The following PSD3 variants were observed in gnomAD, a reference collection of about 807,000 sequenced individuals.
The protein encoded by PSD3 is PH and SEC7 domain-containing protein 3.
Under a neutral mutation model 105.5 loss-of-function variants are expected in PSD3, and 49 were observed. The ratio of observed to expected loss-of-function variants is 0.46; its 90% CI spans 0.37 to 0.59. The LOEUF (loss-of-function observed/expected upper bound fraction) is 0.59, where lower values mean the gene tolerates loss of function less well. Ranked by LOEUF, PSD3 falls within the 20% of genes least tolerant of loss-of-function variation. The probability of loss-of-function intolerance (pLI) is 0.00; values close to 1 mark genes in which losing one functional copy is unlikely to be tolerated. For missense variants in PSD3, 1,561 were observed against 1,263.8 expected (o/e 1.24, Z -3.57); for synonymous variants, 557 against 457.8 (o/e 1.22, Z -2.77).
chr8:18,627,495 A>G (rs1484566120), intron 11 of PSD3, among the ~76,000 whole-genome samples: 1 of 152,076 alleles, frequency 6.6e-6, no homozygotes, highest in African/African-American at 2.4e-5. Context: ...GCTAAGAAGA[A>G]TTTATGTTTT....
intron 4 of PSD3, among the ~76,000 whole-genome samples, chr8:18,822,968 G>GGTGGACT: frequency 6.6e-6 from 1 of 152,032 alleles, no homozygotes; most frequent in Non-Finnish European, 1.5e-5. Flanking sequence ...AAAATGGCAA[G>GGTGGACT]CCGATCCAAT....
intron 1 of PSD3, among the ~76,000 whole-genome samples, chr8:19,021,442 A>C (rs1191290577): frequency 6.6e-6 from 1 of 151,768 alleles, no homozygotes; most frequent in Non-Finnish European, 1.5e-5. Context: ...ACTCACTCCC[A>C]ATTTTTTTTT....
At chr8:18,718,123 T>G (rs1264644972) in intron 9 of PSD3, among the ~76,000 whole-genome samples, 1 of 152,200 alleles carries the variant, frequency 6.6e-6, no homozygotes, top group East Asian at 1.9e-4. Context: ...GCTCTGACTG[T>G]ATCTTACCTC....
chr8:18,548,942 C>T (rs560299484), intron 15 of PSD3, among the ~76,000 whole-genome samples: 2 of 152,288 alleles, frequency 1.3e-5, no homozygotes, highest in East Asian at 3.9e-4. Context: ...CTCAGCTGTG[C>T]TGGTTGCCTT....
At chr8:19,012,144 A>G (rs866440675) in intron 1 of PSD3, among the ~76,000 whole-genome samples, 2 of 151,894 alleles carry the variant, frequency 1.3e-5, no homozygotes, top group Non-Finnish European at 2.9e-5. Context: ...TACAGATCCA[A>G]GTCCCTTTCT....
chr8:18,788,955 TA>T (rs1174221207), intron 8 of PSD3, among the ~76,000 whole-genome samples: 2 of 152,170 alleles, frequency 1.3e-5, no homozygotes, highest in African/African-American at 4.8e-5. Context: ...TTGTAAATTT[TA>T]AAACCAGGAC....
chr8:18,748,451 G>C (rs1297265434), intron 9 of PSD3, among the ~76,000 whole-genome samples: 1 of 151,894 alleles, frequency 6.6e-6, no homozygotes, highest in Non-Finnish European at 1.5e-5. Context: ...ACGAGGCCAG[G>C]AGATCGAGAC....
intron 4 of PSD3, among the ~76,000 whole-genome samples, chr8:18,848,529 G>A (rs190814911): frequency 1.9e-3 from 283 of 152,312 alleles, no homozygotes; most frequent in Non-Finnish European, 3.2e-3. Context: ...GCATGCAACT[G>A]AGAAGCAGCT....
rs1554524298 is a variant in PSD3, at chr8:18,620,360, T to TTTTTC, written c.2410+12252_2410+12253insGAAAA. Among the ~76,000 whole-genome samples, 804 of 149,948 alleles carry TTTTTC rather than the reference T, an allele frequency of 5.4e-3. 10 individuals carry two copies. Among genetic ancestry groups the TTTTTC allele is most frequent in the African/African-American group, 0.019 (769 of 40,570 alleles). ...GGTTTGTGTTTTTTTTTTTTTTTTT[T>TTTTTC]CCCCAGGCTGTGGTCACTCACATTG... On this transcript the variant is annotated intron_variant, in intron 11 of 15. Coordinates refer to ENST00000327040, the MANE Select transcript of PSD3 (RefSeq NM_015310.4).
intron 8 of PSD3, among the ~76,000 whole-genome samples, chr8:18,773,143 G>C (rs1212939741): frequency 2.0e-5 from 3 of 152,088 alleles, no homozygotes; most frequent in Non-Finnish European, 4.4e-5. Context: ...GGATTTTATA[G>C]TTTCAGGATT....
At chr8:18,944,902 G>A (rs1822767689) in intron 1 of PSD3, among the ~76,000 whole-genome samples, 1 of 152,068 alleles carries the variant, frequency 6.6e-6, no homozygotes, top group South Asian at 2.1e-4. Context: ...AATGTTCCAT[G>A]CTTCTCTTAT....
rs1415289898 is a variant in PSD3 at position 18,623,448 on chromosome 8, C to CAAAAAAAA, written c.2410+9157_2410+9164dup. ...GCAATATAGTCAGCCCCCGTCTCCC[C>CAAAAAAAA]AAAAAAAAAAAAAAAAAAAAAAGAA... On this transcript the variant is annotated intron_variant, in intron 11 of 15. Transcript: ENST00000327040. 6.3e-4 allele frequency among the ~76,000 whole-genome samples: 42 copies of CAAAAAAAA among 67,042 alleles called. 7 individuals are homozygous for CAAAAAAAA. Among genetic ancestry groups the CAAAAAAAA allele is most frequent in the South Asian group, 1.7e-3 (3 of 1,782 alleles). 44.0% of individuals were successfully genotyped at this position (67,042 alleles called of 152,430 possible). A position where few individuals can be genotyped will look rare whatever the true frequency, so the allele number is the denominator to read the frequency against.
intron 10 of PSD3, among the ~76,000 whole-genome samples, chr8:18,633,148 C>G (rs891804330): frequency 5.9e-5 from 9 of 152,018 alleles, no homozygotes; most frequent in Admixed American, 3.3e-4. Context: ...GTTTACAATG[C>G]TTTCATGTTT....
At chr8:18,593,313 G>C (rs77940884) in intron 12 of PSD3, among the ~76,000 whole-genome samples, 1 of 151,930 alleles carries the variant, frequency 6.6e-6, no homozygotes, top group African/African-American at 2.4e-5. Context: ...AGTGGGTGAA[G>C]GATATGAACA....
At chr8:18,948,514 T>C (rs908702540) in intron 1 of PSD3, among the ~76,000 whole-genome samples, 1 of 151,896 alleles carries the variant, frequency 6.6e-6, no homozygotes, top group Non-Finnish European at 1.5e-5. Flanking sequence ...AAAATGGAGG[T>C]GGGTCAGGTA....
intron 14 of PSD3, among the ~76,000 whole-genome samples, chr8:18,562,919 GAA>G (rs746595187): frequency 4.5e-3 from 82 of 18,148 alleles, no homozygotes; most frequent in Non-Finnish European, 0.013. Flanking sequence ...AAAAGAAAAA[GAA>G]AAAGAAAAAG....
intron 9 of PSD3, among the ~76,000 whole-genome samples, chr8:18,737,260 G>A (rs1331980944): frequency 6.6e-6 from 1 of 152,060 alleles, no homozygotes; most frequent in Non-Finnish European, 1.5e-5. Flanking sequence ...AGAAAAATAG[G>A]GCCCACAGTT....
chr8:18,579,707 G>T (rs950131704), intron 12 of PSD3, among the ~76,000 whole-genome samples: 1 of 152,008 alleles, frequency 6.6e-6, no homozygotes, highest in African/African-American at 2.4e-5. Context: ...CAAAAAATTG[G>T]CATCAAGTCT....
At chr8:18,584,579 T>A (rs922410176) in intron 12 of PSD3, among the ~76,000 whole-genome samples, 4 of 152,218 alleles carry the variant, frequency 2.6e-5, no homozygotes, top group African/African-American at 4.8e-5. Context: ...CTACAACCTA[T>A]TATACTAACA....
Sources: allele counts gnomAD v4.1 joint callset (sites outside exome capture counted in the v4.1 genomes callset), GRCh38; gene constraint gnomAD v4.1.1; transcripts MANE v1.5; gene names NCBI Gene and HGNC (gene_info 2026-07-23, HGNC 2026-07-21).